The following ZNF684 variants were observed in gnomAD, a reference collection of about 807,000 sequenced individuals.
ZNF684 encodes hypothetical protein MGC27466.
A neutral mutation model predicts 12.8 loss-of-function variants in ZNF684; 13 were observed. The ratio of observed to expected loss-of-function variants is 1.02; its 90% CI spans 0.66 to 1.62. The LOEUF (loss-of-function observed/expected upper bound fraction) is 1.62, where lower values mean the gene tolerates loss of function less well. Ranked by LOEUF, ZNF684 falls within the 40% of genes most tolerant of loss-of-function variation. ZNF684 has a pLI of 0.00. For synonymous variants in ZNF684, 118 were observed against 151.8 expected (o/e 0.78, Z 1.64); for missense variants, 384 against 446.9 (o/e 0.86, Z 1.27).
In ZNF684 at chr1:40,546,794, C is replaced by T. The variant is rs527509736; in HGVS notation, c.471C>T (p.Asn157=). 41 of 1,611,590 alleles carry T rather than the reference C, an allele frequency of 2.5e-5. No homozygotes were observed. The highest frequency in any genetic ancestry group is 1.7e-4 in the Middle Eastern group (1 of 6,046). The change falls in exon 5 of 5, where the codon AAC becomes AAT. Residue 157 remains asparagine (N), a synonymous_variant. Transcript: ENST00000372699. ...LKYNRSYTVE[N]AYECSECGKA... Reference sequence around the variant, plus strand: ...ATAATAGAAGTTATACTGTAGAAAACGCTTATGAATGCAGTGAATGCGGGA... The same window carrying T: ...ATAATAGAAGTTATACTGTAGAAAATGCTTATGAATGCAGTGAATGCGGGA...
At position 40,546,551 on chromosome 1, in the gene ZNF684, C is replaced by T; in HGVS notation, c.239-11C>T. On this transcript the variant is annotated splice_polypyrimidine_tract_variant and intron_variant, in intron 4 of 4. Coordinates refer to ENST00000372699, the MANE Select transcript of ZNF684 (RefSeq NM_152373.4). ...AAGTAACTAGGAATGTTTTGTTGTA[C>T]TCCTTTTTAGAATCTGACTACCCAC... The T allele has an allele frequency of 6.6e-7, 1 of 1,520,760 alleles. No individual in the cohort carries two copies. The highest frequency in any genetic ancestry group is 1.4e-5 in the African/African-American group (1 of 71,688). The allele number at this position is 1,520,760 out of a possible 1,614,324, so 94.2% of individuals were successfully genotyped here.
intron 1 of ZNF684, among the ~76,000 whole-genome samples, chr1:40,532,898 A>T (rs1216181471): frequency 6.6e-6 from 1 of 152,238 alleles, no homozygotes; most frequent in East Asian, 1.9e-4. Flanking sequence ...GTGCTAGATC[A>T]GTAGGACAGA....
rs758374923 is a variant in ZNF684 at position 40,531,688 on chromosome 1, G to A, written c.-124G>A. 1 of 152,284 alleles carries A rather than the reference G, an allele frequency of 6.6e-6. No individual in the cohort carries two copies. The highest frequency in any genetic ancestry group is 1.5e-5 in the Non-Finnish European group (1 of 68,078). 9.4% of individuals were successfully genotyped at this position (152,284 alleles called of 1,614,324 possible). On this transcript the variant is annotated 5_prime_UTR_variant, in exon 1 of 5. Transcript: ENST00000372699. The stretch of plus-strand genomic sequence containing the variant: ...ATTCAATCTTCAAATCAGCGCCGCG[G>A]GAAGTGCGGGCGGGTGTTGCTCCCC...
Position 40,547,969 on chromosome 1 carries a change from T to G in ZNF684, c.*509T>G, listed in dbSNP as rs949900374. On this transcript the variant is annotated 3_prime_UTR_variant, in exon 5 of 5. Transcript: ENST00000372699. ...TAATGGGCATGACAGTGTTTCTGAA[T>G]CTGAGTCTCCTTTAATTATACAAGT... 6.6e-6 allele frequency: 1 copy of G among 152,298 alleles called. No homozygotes were observed. The highest frequency in any genetic ancestry group is 1.5e-5 in the Non-Finnish European group (1 of 68,128). 9.4% of individuals were successfully genotyped at this position (152,298 alleles called of 1,614,324 possible).
At chr1:40,540,048 T>C (rs533738866) in intron 2 of ZNF684, among the ~76,000 whole-genome samples, 1 of 152,332 alleles carries the variant, frequency 6.6e-6, no homozygotes, top group African/African-American at 2.4e-5. Context: ...TTTTCTCCCA[T>C]TCTGTGGATT....
At chr1:40,544,262 A>T in intron 4 of ZNF684, 1 of 219,192 alleles carries the variant, frequency 4.6e-6, no homozygotes. Flanking sequence ...AACTTATGAA[A>T]GGTAGTTGGA....
chr1:40,537,660 T>C lies in ZNF684; in HGVS notation c.16-2926T>C, dbSNP rs1286611157. ...CAGGAGGCTGAGGCATGAGAATCAC[T>C]TGAACCTGAGAGACAGAGGCCACAG... On this transcript the variant is annotated intron_variant, in intron 2 of 4. Transcript: ENST00000372699. Among the ~76,000 whole-genome samples, 3 of 152,076 alleles carry C rather than the reference T, an allele frequency of 2.0e-5. No homozygotes were observed. In the East Asian group the frequency reaches 5.8e-4, roughly 29 times the overall value.
intron 2 of ZNF684, among the ~76,000 whole-genome samples, chr1:40,533,891 T>G (rs79786893): frequency 6.7e-6 from 1 of 149,990 alleles, no homozygotes; most frequent in Non-Finnish European, 1.5e-5. Context: ...TGGCGTGATC[T>G]CAGCTCACTG....
At chr1:40,533,823 CTTTTTTTTTT>C (rs574077502) in intron 2 of ZNF684, among the ~76,000 whole-genome samples, 1 of 123,922 alleles carries the variant, frequency 8.1e-6, no homozygotes, top group Admixed American at 8.8e-5. Context: ...GTTAGGTATT[CTTTTTTTTTT>C]TTTTTTTTTT....
intron 4 of ZNF684, chr1:40,544,459 C>T: frequency 2.6e-6 from 1 of 391,426 alleles, no homozygotes; most frequent in Non-Finnish European, 5.1e-6. Context: ...TCAAGTGATT[C>T]TCCTACCTCA....
intron 4 of ZNF684, among the ~76,000 whole-genome samples, chr1:40,543,443 A>G (rs749242676): frequency 6.7e-6 from 1 of 148,234 alleles, no homozygotes; most frequent in Non-Finnish European, 1.5e-5. Flanking sequence ...TTTAATGTCC[A>G]CTATATACAG....
At chr1:40,536,169 A>C (rs934744131) in intron 2 of ZNF684, among the ~76,000 whole-genome samples, 7 of 152,032 alleles carry the variant, frequency 4.6e-5, no homozygotes, top group African/African-American at 1.7e-4. Context: ...TGAGGCGGGC[A>C]GATCACGAGG....
At chr1:40,541,588 A>G (rs746678144) in intron 3 of ZNF684, 27 bp from the exon 4 acceptor site, 164 of 1,599,276 alleles carry the variant, frequency 1.0e-4, no homozygotes, top group Non-Finnish European at 1.3e-4. Context: ...CTTTGGCCCC[A>G]CTTCTATGCT....
Position 40,547,427 on chromosome 1 carries a change from A to G in ZNF684, c.1104A>G (p.Ser368=). The change falls in exon 5 of 5, where the codon TCA becomes TCG. Residue 368 remains serine, a synonymous_variant. Coordinates refer to ENST00000372699, the MANE Select transcript of ZNF684 (RefSeq NM_152373.4). ...NRCGKAFSQK[S]NLIVHQKIHT ...GTGGGAAAGCATTTTCCCAGAAGTC[A>G]AATCTTATTGTACATCAGAAAATTC... 6.2e-7 allele frequency: 1 copy of G among 1,609,470 alleles called. No homozygotes were observed. Among genetic ancestry groups the G allele is most frequent in the African/African-American group, 1.3e-5 (1 of 74,924 alleles).
chr1:40,546,438 G>A, intron 4 of ZNF684, 124 bp from the exon 5 acceptor site: 1 of 928,236 alleles, frequency 1.1e-6, no homozygotes, highest in Non-Finnish European at 1.5e-6. Flanking sequence ...AAGCTCAGGA[G>A]GAGTGAGGCA....
intron 4 of ZNF684, among the ~76,000 whole-genome samples, chr1:40,546,294 A>G (rs567402439): frequency 6.6e-6 from 1 of 152,178 alleles, no homozygotes; most frequent in Non-Finnish European, 1.5e-5. Flanking sequence ...TTATGAGCTA[A>G]CCCTGCACCC....
intron 2 of ZNF684, among the ~76,000 whole-genome samples, chr1:40,539,361 G>T (rs1646002323): frequency 6.6e-6 from 1 of 152,050 alleles, no homozygotes; most frequent in Non-Finnish European, 1.5e-5. Flanking sequence ...GCCTGGGTGT[G>T]GTGGCATGTG....
In ZNF684 at chr1:40,547,082, T is replaced by C. The variant is rs80222621; in HGVS notation, c.759T>C (p.Thr253=). The C allele has an allele frequency of 3.1e-3, 4,996 of 1,614,148 alleles. 149 individuals carry two copies. The East Asian group carries it at 0.079, about 25-fold the overall frequency. Residue 253 remains threonine, a synonymous_variant, in exon 5 of 5, where the codon ACT becomes ACC. Coordinates refer to ENST00000372699, the MANE Select transcript of ZNF684 (RefSeq NM_152373.4). ...GCAGTCAATGTGGGAAAACATTCAC[T>C]TGGAACTCCTCATTTAATCAACACG... ...YECSQCGKTF[T]WNSSFNQHVK... is the part of the protein sequence containing the mutation.
At position 40,546,430 on chromosome 1, in the gene ZNF684, G is replaced by A. The variant is rs796588633; in HGVS notation, c.239-132G>A. 8.0e-6 allele frequency: 7 copies of A among 870,218 alleles called. No homozygotes were observed. In the African/African-American group the frequency reaches 1.0e-4, roughly 13 times the overall value. 53.9% of individuals were successfully genotyped at this position (870,218 alleles called of 1,614,324 possible). A position where few individuals can be genotyped will look rare whatever the true frequency, so the allele number is the denominator to read the frequency against. ...CCTCTTCAGCAGTTTTATTCTTAAA[G>A]CTCAGGAGGAGTGAGGCAAATATAA... On this transcript the variant is annotated intron_variant, in intron 4 of 4. Transcript: ENST00000372699.
Sources: allele counts gnomAD v4.1 joint callset (sites outside exome capture counted in the v4.1 genomes callset), GRCh38; gene constraint gnomAD v4.1.1; transcripts MANE v1.5; gene names NCBI Gene and HGNC (gene_info 2026-07-23, HGNC 2026-07-21).